Variants in TNS3 observed in about 807,000 individuals in gnomAD.
TNS3 encodes the protein tensin-3.
Under a neutral mutation model 140.9 loss-of-function variants are expected in TNS3, and 45 were observed. That is an observed-to-expected ratio of 0.32 (90% CI 0.25 to 0.41). The LOEUF is 0.41. Ranked by LOEUF, TNS3 falls within the 10% of genes least tolerant of loss-of-function variation. TNS3 has a pLI of 1.00. For synonymous variants in TNS3, 815 were observed against 788.4 expected, an observed-to-expected ratio of 1.03 and a Z score of -0.56; for missense variants, 1,716 against 1,906.7, an observed-to-expected ratio of 0.90 and a Z score of 1.86.
At chr7:47,474,903 C>T (rs1026353783) in intron 4 of TNS3, among the ~76,000 whole-genome samples, 2 of 143,866 alleles carry the variant, frequency 1.4e-5, no homozygotes, top group African/African-American at 2.6e-5. Context: ...GCAACACACA[C>T]AAAAAAAAAC....
At chr7:47,296,952 A>T in intron 24 of TNS3, 130 bp downstream of exon 24, 1 of 1,220,528 alleles carries the variant, frequency 8.2e-7, no homozygotes, top group Non-Finnish European at 1.1e-6. Flanking sequence ...ATATACCTGA[A>T]AAAATAAATA....
chr7:47,378,406 G>GT (rs1345165587), intron 16 of TNS3, among the ~76,000 whole-genome samples: 1 of 152,178 alleles, frequency 6.6e-6, no homozygotes, highest in Non-Finnish European at 1.5e-5. Flanking sequence ...GTATTCAGAA[G>GT]TTCCCTAAGT....
chr7:47,343,698 A>G (rs1421789970), intron 20 of TNS3, among the ~76,000 whole-genome samples: 1 of 152,250 alleles, frequency 6.6e-6, no homozygotes, highest in East Asian at 1.9e-4. Context: ...TGCATATTGG[A>G]ACATACACAC....
At chr7:47,461,840 T>A (rs1796503972) in intron 4 of TNS3, among the ~76,000 whole-genome samples, 1 of 152,252 alleles carries the variant, frequency 6.6e-6, no homozygotes, top group Non-Finnish European at 1.5e-5. Flanking sequence ...GTAAAACTCA[T>A]CAAATTTCTG....
At chr7:47,509,881 T>G (rs1798547572) in intron 2 of TNS3, among the ~76,000 whole-genome samples, 1 of 152,190 alleles carries the variant, frequency 6.6e-6, no homozygotes, top group South Asian at 2.1e-4. Flanking sequence ...ATGATCTCCC[T>G]GTGTCCATCT....
chr7:47,357,881 G>A (rs950400876), intron 17 of TNS3, among the ~76,000 whole-genome samples: 18 of 152,152 alleles, frequency 1.2e-4, no homozygotes, highest in Admixed American at 2.6e-4. Flanking sequence ...GAAATGATAC[G>A]TCCACACAAC....
intron 1 of TNS3, among the ~76,000 whole-genome samples, chr7:47,578,035 C>T (rs545566068): frequency 1.3e-5 from 2 of 151,808 alleles, no homozygotes; most frequent in African/African-American, 2.4e-5. Context: ...AAAAATCGGC[C>T]GGGCACAGTG....
chr7:47,569,909 T>C (rs1800515971), intron 1 of TNS3, among the ~76,000 whole-genome samples: 1 of 149,358 alleles, frequency 6.7e-6, no homozygotes, highest in African/African-American at 2.5e-5. Flanking sequence ...AGCACTTTGG[T>C]AGGCCAAGGC....
intron 17 of TNS3, among the ~76,000 whole-genome samples, chr7:47,357,957 T>G (rs1216423696): frequency 6.6e-6 from 1 of 152,184 alleles, no homozygotes; most frequent in Non-Finnish European, 1.5e-5. Flanking sequence ...TAACCTTACG[T>G]GCAGATGTGA....
At chr7:47,442,385 C>T (rs1795509460) in intron 4 of TNS3, among the ~76,000 whole-genome samples, 1 of 152,204 alleles carries the variant, frequency 6.6e-6, no homozygotes, top group African/African-American at 2.4e-5. Context: ...CAGATGACAC[C>T]AGCGCTATGA....
At chr7:47,293,871 G>C in intron 24 of TNS3, 43 bp from the exon 25 acceptor site, 1 of 1,565,766 alleles carries the variant, frequency 6.4e-7, no homozygotes, top group South Asian at 1.1e-5. Flanking sequence ...TTTGAAAATG[G>C]GAGCATGGGA....
intron 17 of TNS3, among the ~76,000 whole-genome samples, chr7:47,360,459 A>G (rs920002169): frequency 1.1e-4 from 17 of 152,220 alleles, no homozygotes; most frequent in South Asian, 6.2e-4. Flanking sequence ...TCACGGACGC[A>G]TGTCCAGCGC....
chr7:47,330,959 G>A (rs1271237886), intron 20 of TNS3, among the ~76,000 whole-genome samples: 3 of 152,082 alleles, frequency 2.0e-5, no homozygotes, highest in African/African-American at 7.2e-5. Context: ...TGTCCCACCG[G>A]ACTCGGGCGA....
intron 23 of TNS3, among the ~76,000 whole-genome samples, chr7:47,299,018 G>T (rs949156407): frequency 1.3e-5 from 2 of 152,228 alleles, no homozygotes; most frequent in South Asian, 2.1e-4. Context: ...AGGGCTGGGT[G>T]GGGGGCCTCC....
Position 47,293,004 on chromosome 7 carries a change from A to G in TNS3, c.3773-99T>C, listed in dbSNP as rs531962940. 8.7e-6 allele frequency: 9 copies of G among 1,033,308 alleles called. No individual in the cohort carries two copies. In the African/African-American group the frequency reaches 9.6e-5, roughly 11 times the overall value. 64.0% of individuals were successfully genotyped at this position (1,033,308 alleles called of 1,614,324 possible). A position where few individuals can be genotyped will look rare whatever the true frequency, so the allele number is the denominator to read the frequency against. The stretch of plus-strand genomic sequence containing the variant: ...TGGAATGAAACGGATGCAAAGGCTG[A>G]GCCCTTATCTTTTTAGCAACTGGTA... On this transcript the variant is annotated intron_variant, in intron 25 of 30. Transcript: ENST00000311160.
intron 17 of TNS3, among the ~76,000 whole-genome samples, chr7:47,357,956 G>A (rs68098579): frequency 0.11 from 16,632 of 152,120 alleles, 970 homozygotes; most frequent in South Asian, 0.15. Context: ...GTAACCTTAC[G>A]TGCAGATGTG....
At chr7:47,482,196 C>T (rs980033588) in intron 3 of TNS3, among the ~76,000 whole-genome samples, 1 of 152,230 alleles carries the variant, frequency 6.6e-6, no homozygotes, top group African/African-American at 2.4e-5. Context: ...GAAGGAGAAT[C>T]GTAGAGAATC....
intron 4 of TNS3, among the ~76,000 whole-genome samples, chr7:47,475,041 CAACA>C (rs1182030051): frequency 6.6e-6 from 1 of 151,668 alleles, no homozygotes; most frequent in Non-Finnish European, 1.5e-5. Flanking sequence ...ACACAACAGA[CAACA>C]GACAACTCAC....
intron 5 of TNS3, among the ~76,000 whole-genome samples, chr7:47,440,788 G>GTTTTCATTTTTACT (rs1280976055): frequency 6.6e-6 from 1 of 152,238 alleles, no homozygotes; most frequent in Non-Finnish European, 1.5e-5. Flanking sequence ...GGGTGCACGG[G>GTTTTCATTTTTACT]ACGTGTCCTT....
Sources: allele counts gnomAD v4.1 joint callset (sites outside exome capture counted in the v4.1 genomes callset), GRCh38; gene constraint gnomAD v4.1.1; transcripts MANE v1.5; gene names NCBI Gene and HGNC (gene_info 2026-07-23, HGNC 2026-07-21).